The following WIPF1 variants were observed in gnomAD, a reference collection of about 807,000 sequenced individuals.
The protein encoded by WIPF1 is WAS/WASL-interacting protein family member 1.
In WIPF1, 13 loss-of-function variants were observed where a neutral mutation model predicts 35.4. The ratio of observed to expected loss-of-function variants is 0.37; its 90% CI spans 0.24 to 0.58. The LOEUF (loss-of-function observed/expected upper bound fraction) is 0.58, where lower values mean the gene tolerates loss of function less well. Among genes scored for constraint, WIPF1 ranks in the 20% least tolerant of loss-of-function variants. The pLI is 0.74. For synonymous variants in WIPF1, 267 were observed against 266.3 expected (o/e 1.00, Z -0.02); for missense variants, 591 against 667.0 (o/e 0.89, Z 1.25).
chr2:174,630,165 T>G (rs1303238027), intron 1 of WIPF1, among the ~76,000 whole-genome samples: 1 of 152,250 alleles, frequency 6.6e-6, no homozygotes, highest in Non-Finnish European at 1.5e-5. Context: ...TGACTCTGTT[T>G]TTAAGCCACT....
intron 1 of WIPF1, among the ~76,000 whole-genome samples, chr2:174,635,361 T>C (rs944441534): frequency 6.6e-6 from 1 of 152,036 alleles, no homozygotes; most frequent in African/African-American, 2.4e-5. Flanking sequence ...GTCCTGGCCA[T>C]GGGGGCTCTG....
chr2:174,632,851 G>A (rs1374711573), intron 1 of WIPF1, among the ~76,000 whole-genome samples: 1 of 152,016 alleles, frequency 6.6e-6, no homozygotes, highest in East Asian at 1.9e-4. Context: ...AGGCTGTATA[G>A]CCAACTAACA....
chr2:174,566,272 A>G (rs1684656795), intron 7 of WIPF1: 1 of 152,214 alleles, frequency 6.6e-6, no homozygotes, highest in Non-Finnish European at 1.5e-5. Context: ...AAAGAGCTGT[A>G]ACACTTCCTA....
At chr2:174,577,657 G>A (rs953669391) in intron 3 of WIPF1, among the ~76,000 whole-genome samples, 1 of 152,120 alleles carries the variant, frequency 6.6e-6, no homozygotes, top group Non-Finnish European at 1.5e-5. Flanking sequence ...CAGGTGCAAC[G>A]GCTCACACCT....
intron 2 of WIPF1, among the ~76,000 whole-genome samples, chr2:174,583,966 C>T (rs919751388): frequency 2.0e-5 from 3 of 152,058 alleles, no homozygotes; most frequent in Admixed American, 1.3e-4. Flanking sequence ...ACTATAAGCA[C>T]GCACCGCCAT....
chr2:174,571,701 T>G lies in WIPF1; in HGVS notation c.1104A>C (p.Pro368=), dbSNP rs2105805355. Reference sequence around the variant, plus strand: ...CTGATCGGCCTGGCGGGTCCCTCACTGGAGGTGGGGGTCTCTCACTGGGCG... The same window carrying G: ...CTGATCGGCCTGGCGGGTCCCTCACGGGAGGTGGGGGTCTCTCACTGGGCG... The part of the protein sequence containing the change: ...PPPPSERPPP[P]VRDPPGRSGP... Residue 368 remains proline, a synonymous_variant, in exon 5 of 8, where the codon CCA becomes CCC. Transcript: ENST00000679041. This position sits in a 1 kb window ranked among gnomAD's most constrained non-coding sequence, Gnocchi z 4.6. 1 of 1,614,014 alleles carries G rather than the reference T, an allele frequency of 6.2e-7. No homozygotes were observed. The highest frequency in any genetic ancestry group is 8.5e-7 in the Non-Finnish European group (1 of 1,179,986).
At chr2:174,669,732 C>T (rs1026082742) in intron 1 of WIPF1, among the ~76,000 whole-genome samples, 9 of 152,026 alleles carry the variant, frequency 5.9e-5, no homozygotes, top group Admixed American at 2.6e-4. Flanking sequence ...AAATGTTAGT[C>T]GAGCATGGAG....
chr2:174,678,148 T>C (rs1378089987), intron 1 of WIPF1, among the ~76,000 whole-genome samples: 1 of 152,180 alleles, frequency 6.6e-6, no homozygotes, highest in East Asian at 1.9e-4. Context: ...TTGGGCCAGA[T>C]CATAGAAAGT....
intron 1 of WIPF1, among the ~76,000 whole-genome samples, chr2:174,618,656 A>C (rs1446038041): frequency 6.6e-6 from 1 of 152,218 alleles, no homozygotes; most frequent in Non-Finnish European, 1.5e-5. Flanking sequence ...TGTAAGATAC[A>C]TCTGGGTGCT....
chr2:174,642,492 A>G (rs1481327077), intron 1 of WIPF1, among the ~76,000 whole-genome samples: 5 of 151,040 alleles, frequency 3.3e-5, no homozygotes, highest in African/African-American at 1.2e-4. Flanking sequence ...AACTACAGGC[A>G]CCCACCACCA....
rs931695525 is a variant in WIPF1 at position 174,562,728 on chromosome 2, G to C, written c.1457-126C>G. 1.3e-5 allele frequency: 17 copies of C among 1,263,318 alleles called. No individual in the cohort carries two copies. The Admixed American group carries it at 2.9e-4, about 21-fold the overall frequency. 78.3% of individuals were successfully genotyped at this position (1,263,318 alleles called of 1,614,324 possible). A position where few individuals can be genotyped will look rare whatever the true frequency, so the allele number is the denominator to read the frequency against. ...TATGACCAGGGCTGTCAGCTAACTG[G>C]CGTATGTTGTGGATGAGAAGTGAGA... is the stretch of plus-strand genomic sequence containing the variant. On this transcript the variant is annotated intron_variant, in intron 7 of 7. Transcript: ENST00000679041.
intron 1 of WIPF1, among the ~76,000 whole-genome samples, chr2:174,629,113 T>C (rs1456964144): frequency 6.6e-6 from 1 of 152,160 alleles, no homozygotes; most frequent in Non-Finnish European, 1.5e-5. Flanking sequence ...ATAGAGAGGC[T>C]GAGGCAGGAG....
At chr2:174,587,647 G>C (rs1685467087) in intron 1 of WIPF1, 1 of 152,158 alleles carries the variant, frequency 6.6e-6, no homozygotes, top group African/African-American at 2.4e-5. Flanking sequence ...CTGGATCCAG[G>C]GCTCTATCCT....
At chr2:174,628,415 T>TTCAGG (rs796318103) in intron 1 of WIPF1, among the ~76,000 whole-genome samples, 40 of 152,324 alleles carry the variant, frequency 2.6e-4, no homozygotes, top group African/African-American at 9.1e-4. Context: ...GGACCTATTT[T>TTCAGG]CCAGGCCAAT....
In WIPF1 at chr2:174,565,915, G is replaced by T. The variant is rs372022950; in HGVS notation, c.1456+1155C>A. On this transcript the variant is annotated intron_variant, in intron 7 of 7. Transcript: ENST00000679041. ...TTTATTTTTTTTGAGATGAAGTCTCGCTCTGTCGCCCAGGCTGGAGTGCAA... is the reference window on the plus strand; with the variant it reads ...TTTATTTTTTTTGAGATGAAGTCTCTCTCTGTCGCCCAGGCTGGAGTGCAA... 1.2e-4 allele frequency among the ~76,000 whole-genome samples: 18 copies of T among 151,316 alleles called. 1 individual carries two copies. The South Asian group carries it at 3.6e-3, about 30-fold the overall frequency.
chr2:174,633,306 C>T (rs975990828), intron 1 of WIPF1, among the ~76,000 whole-genome samples: 19 of 152,190 alleles, frequency 1.2e-4, no homozygotes, highest in African/African-American at 4.3e-4. Context: ...GTTGAGTCCA[C>T]GAGCCCCTCA....
At chr2:174,631,398 A>G (rs1559166823) in intron 1 of WIPF1, among the ~76,000 whole-genome samples, 1 of 152,210 alleles carries the variant, frequency 6.6e-6, no homozygotes, top group Non-Finnish European at 1.5e-5. Context: ...TACTTATATG[A>G]GGTACCTAGA....
chr2:174,644,244 A>G (rs1426647911), intron 1 of WIPF1, among the ~76,000 whole-genome samples: 1 of 152,174 alleles, frequency 6.6e-6, no homozygotes, highest in African/African-American at 2.4e-5. Flanking sequence ...AATACATGTG[A>G]CCTTTCTTCA....
At chr2:174,570,343 T>A (rs1459519773) in intron 5 of WIPF1, 10 of 152,256 alleles carry the variant, frequency 6.6e-5, no homozygotes, top group Non-Finnish European at 1.3e-4. Context: ...TAAAAGAATG[T>A]TATCAATGAT....
Sources: allele counts gnomAD v4.1 joint callset (sites outside exome capture counted in the v4.1 genomes callset), GRCh38; gene constraint gnomAD v4.1.1; non-coding constraint Gnocchi (gnomAD v3.1); transcripts MANE v1.5; gene names NCBI Gene and HGNC (gene_info 2026-07-23, HGNC 2026-07-21).